Variants in USP24 observed in about 807,000 individuals in gnomAD.
USP24 encodes ubiquitin carboxyl-terminal hydrolase 24.
Under a neutral mutation model 361.6 loss-of-function variants are expected in USP24, and 97 were observed. The observed-to-expected ratio is 0.27, with a 90% CI of 0.23 to 0.32. The LOEUF is 0.32. Among genes scored for constraint, USP24 ranks in the 10% least tolerant of loss-of-function variants. The pLI, the probability that USP24 is intolerant of heterozygous loss-of-function variation, is 1.00. For missense variants in USP24, 2,353 were observed against 3,165.6 expected (o/e 0.74, Z 6.16); for synonymous variants, 1,098 against 1,124.6 (o/e 0.98, Z 0.47).
chr1:55,125,634 G>C (rs539859269), intron 33 of USP24, 29 bp downstream of exon 33: 26 of 1,578,332 alleles, frequency 1.6e-5, no homozygotes, highest in Non-Finnish European at 2.2e-5. Flanking sequence ...AGTATTGCCT[G>C]GTAAGACTAA....
At chr1:55,152,044 A>ATATG in intron 16 of USP24, 1 of 962,756 alleles carries the variant, frequency 1.0e-6, no homozygotes, top group Non-Finnish European at 1.2e-6. Context: ...CCCTGCCTGG[A>ATATG]GCCATATCCA....
At chr1:55,208,449 G>A (rs534736106) in intron 1 of USP24, among the ~76,000 whole-genome samples, 1 of 151,954 alleles carries the variant, frequency 6.6e-6, no homozygotes, top group Non-Finnish European at 1.5e-5. Context: ...CCAACATGGT[G>A]AAACCCCGTC....
chr1:55,167,258 G>A (rs1648975557), intron 5 of USP24, among the ~76,000 whole-genome samples: 1 of 152,150 alleles, frequency 6.6e-6, no homozygotes, highest in African/African-American at 2.4e-5. Context: ...TGGGGTGGTG[G>A]TCATGAAAGA....
rs960502 is a variant in USP24 at position 55,146,605 on chromosome 1, T to C, written c.2250+324A>G. 1.0e-2 allele frequency among the ~76,000 whole-genome samples: 1,520 copies of C among 152,272 alleles called. 7 individuals are homozygous for C. The highest frequency in any genetic ancestry group is 0.014 in the Non-Finnish European group (980 of 68,000). ...CTGTTTTTGGGGTGCAACATCATTA[T>C]AGGAACTCAAAGTTTTCTGTTGGCA... On this transcript the variant is annotated intron_variant, in intron 19 of 67. Coordinates refer to ENST00000294383, the MANE Select transcript of USP24 (RefSeq NM_015306.3).
chr1:55,206,943 G>C (rs1014622644), intron 1 of USP24, among the ~76,000 whole-genome samples: 8 of 152,226 alleles, frequency 5.3e-5, no homozygotes, highest in African/African-American at 1.9e-4. Context: ...GAGGCAGGCA[G>C]ATCGCCTGAG....
rs779427260 is a variant in USP24 at position 55,147,629 on chromosome 1, A to C, written c.2118+20T>G. On this transcript the variant is annotated intron_variant, in intron 18 of 67. Transcript: ENST00000294383. The stretch of plus-strand genomic sequence containing the variant: ...AAATTAATGTTGTAAATCATGAAGC[A>C]AAAACACAAGGCCTGATACCTCCCG... The C allele has an allele frequency of 1.3e-6, 2 of 1,566,880 alleles. No individual in the cohort carries two copies. The highest frequency in any genetic ancestry group is 4.1e-5 in the Admixed American group (2 of 48,640).
At position 55,166,558 on chromosome 1, in the gene USP24, A is replaced by G; in HGVS notation, c.861+10T>C. ...TATGCTACATGACAATATTAACAAA[A>G]GTCATATACCTTATTTACCAAATCC... On this transcript the variant is annotated intron_variant, in intron 6 of 67. Coordinates refer to ENST00000294383, the MANE Select transcript of USP24 (RefSeq NM_015306.3). The G allele has an allele frequency of 6.3e-7, 1 of 1,583,820 alleles. No homozygotes were observed. Among genetic ancestry groups the G allele is most frequent in the South Asian group, 1.2e-5 (1 of 85,298 alleles).
At chr1:55,194,003 A>G (rs992579827) in intron 1 of USP24, among the ~76,000 whole-genome samples, 9 of 152,224 alleles carry the variant, frequency 5.9e-5, no homozygotes, top group Admixed American at 5.9e-4. Flanking sequence ...TTGGTAGCAT[A>G]GCATGGCCTC....
intron 58 of USP24, 99 bp downstream of exon 58, chr1:55,083,173 G>A (rs1460209622): frequency 1.8e-5 from 21 of 1,197,650 alleles, no homozygotes; most frequent in Non-Finnish European, 2.5e-5. Flanking sequence ...CTACTACTTA[G>A]ACTTTTATGA....
Position 55,125,302 on chromosome 1 carries a change from A to G in USP24, c.3960+18T>C. ...GAATAAGAGGGACTAAAATGTCTTG[A>G]ATACACAAATCACTTACTTGTATTG... is the stretch of plus-strand genomic sequence containing the variant. On this transcript the variant is annotated intron_variant, in intron 34 of 67. Coordinates refer to ENST00000294383, the MANE Select transcript of USP24 (RefSeq NM_015306.3). 1.2e-6 allele frequency: 2 copies of G among 1,609,180 alleles called. No homozygotes were observed. The highest frequency in any genetic ancestry group is 1.3e-5 in the African/African-American group (1 of 74,978).
chr1:55,149,132 C>T (rs1414207173), intron 16 of USP24, among the ~76,000 whole-genome samples: 1 of 152,176 alleles, frequency 6.6e-6, no homozygotes, highest in Non-Finnish European at 1.5e-5. Context: ...ACATTTTACA[C>T]TTACACTGTA....
rs1646772249 is a variant in USP24, at chr1:55,137,544, C to T, written c.3172G>A (p.Val1058Ile). Reference protein sequence around the residue: ...STSSSSSSSGVFSSSYAMEQE... With the variant: ...STSSSSSSSGIFSSSYAMEQE... Reference sequence around the variant, plus strand: ...TCCATGGCATATGAAGAACTAAAAACCCCACTGCTGCTGCTGCTGGAGCTG... The same window carrying T: ...TCCATGGCATATGAAGAACTAAAAATCCCACTGCTGCTGCTGCTGGAGCTG... Residue 1058 changes from valine to isoleucine, a missense_variant, in exon 28 of 68, where the codon GTT becomes ATT. Physicochemically the swap from Val to Ile is conservative, Grantham distance 29. Around this residue, in one of 8 missense-constraint regions of USP24, gnomAD observed 949 missense variants for 1,280.5 expected, o/e 0.74. Coordinates refer to ENST00000294383, the MANE Select transcript of USP24 (RefSeq NM_015306.3). 6.2e-7 allele frequency: 1 copy of T among 1,613,234 alleles called. No homozygotes were observed. The highest frequency in any genetic ancestry group is 1.3e-5 in the African/African-American group (1 of 74,876).
intron 55 of USP24, 30 bp from the exon 56 acceptor site, chr1:55,086,068 A>T: frequency 1.2e-6 from 2 of 1,603,524 alleles, no homozygotes; most frequent in Non-Finnish European, 1.7e-6. Flanking sequence ...GGTGTGAAAA[A>T]GCAAGATACA....
At position 55,075,437 on chromosome 1, in the gene USP24, A is replaced by G. The variant is rs1287693021; in HGVS notation, c.7447+20T>C. On this transcript the variant is annotated intron_variant, in intron 63 of 67. Transcript: ENST00000294383. The stretch of plus-strand genomic sequence containing the variant: ...ACATATTTACTATAGACATTTGTGC[A>G]TAAGACCAGGCATACTTGCCTAGTA... 4 of 1,588,874 alleles carry G rather than the reference A, an allele frequency of 2.5e-6. No homozygotes were observed. Among genetic ancestry groups the G allele is most frequent in the Non-Finnish European group, 3.4e-6 (4 of 1,166,216 alleles).
chr1:55,085,814 G>T, intron 56 of USP24, 128 bp downstream of exon 56: 2 of 855,818 alleles, frequency 2.3e-6, no homozygotes, highest in Admixed American at 2.6e-5. Flanking sequence ...CCAAAAATCA[G>T]TTCACAGAAG....
At chr1:55,099,650 T>C (rs1645582469) in intron 45 of USP24, 121 bp downstream of exon 45, 1 of 696,072 alleles carries the variant, frequency 1.4e-6, no homozygotes, top group Non-Finnish European at 2.5e-6. Flanking sequence ...TTATAGTTCT[T>C]ATGTTAAAGA....
chr1:55,107,817 G>A (rs1302912615), intron 39 of USP24, among the ~76,000 whole-genome samples: 1 of 98,772 alleles, frequency 1.0e-5, no homozygotes, highest in Non-Finnish European at 1.9e-5. Context: ...ACTCCAGACT[G>A]GGCAAAAGAG....
At chr1:55,190,164 C>CAAAAAA (rs397696116) in intron 1 of USP24, among the ~76,000 whole-genome samples, 13 of 78,508 alleles carry the variant, frequency 1.7e-4, no homozygotes, top group South Asian at 1.0e-3. Context: ...GACTCCATCT[C>CAAAAAA]AAAAAAAAAA....
rs1434981461 is a variant in USP24 at position 55,174,361 on chromosome 1, C to T, written c.559-1841G>A. On this transcript the variant is annotated intron_variant, in intron 3 of 67. Coordinates refer to ENST00000294383, the MANE Select transcript of USP24 (RefSeq NM_015306.3). ...AGCCTAAAGGCACACAGAACTCTAG[C>T]TCTTCTGATTTAATAAAAGAAAGTA... 3.3e-5 allele frequency among the ~76,000 whole-genome samples: 5 copies of T among 152,148 alleles called. No homozygotes were observed. The East Asian group carries it at 9.6e-4, about 29-fold the overall frequency.
Sources: allele counts gnomAD v4.1 joint callset (sites outside exome capture counted in the v4.1 genomes callset), GRCh38; gene constraint gnomAD v4.1.1; regional missense constraint gnomAD v4.1.1; transcripts MANE v1.5; gene names NCBI Gene and HGNC (gene_info 2026-07-23, HGNC 2026-07-21).